Variants in RYR2 observed in about 807,000 individuals in gnomAD.
RYR2 encodes cardiac muscle ryanodine receptor-calcium release channel.
Under a neutral mutation model 601.1 loss-of-function variants are expected in RYR2, and 227 were observed. The ratio of observed to expected loss-of-function variants is 0.38; its 90% confidence interval spans 0.34 to 0.42. The LOEUF (loss-of-function observed/expected upper bound fraction) is 0.42. Among genes scored for constraint, RYR2 ranks in the 10% least tolerant of loss-of-function variants. The pLI, the probability that RYR2 is intolerant of heterozygous loss-of-function variation, is 1.00. For synonymous variants in RYR2, 2,223 were observed against 2,175.1 expected (o/e 1.02, Z -0.61); for missense variants, 4,646 against 6,156.5 (o/e 0.75, Z 8.21).
rs114716440 is a variant in RYR2, at chr1:237,444,932, G to A, written c.1171-469G>A. Among the ~76,000 whole-genome samples, 252 of 152,286 alleles carry A rather than the reference G, an allele frequency of 1.7e-3. 1 individual carries two copies. Among genetic ancestry groups the A allele is most frequent in the Non-Finnish European group, 2.8e-3 (189 of 68,022 alleles). ...TGTATGACTGGTGTGCCAGTGCAAC[G>A]TTAGCTTTGCTGCTTTGTACCAAGT... is the stretch of plus-strand genomic sequence containing the variant. On this transcript the variant is annotated intron_variant, in intron 13 of 104. Coordinates refer to ENST00000366574, the MANE Select transcript of RYR2 (RefSeq NM_001035.3).
At chr1:237,444,905 A>C (rs1267962000) in intron 13 of RYR2, among the ~76,000 whole-genome samples, 1 of 152,208 alleles carries the variant, frequency 6.6e-6, no homozygotes, top group Non-Finnish European at 1.5e-5. Flanking sequence ...GTTCAGAACT[A>C]CTGTATGACT....
At chr1:237,643,744 C>A (rs1348491027) in intron 48 of RYR2, among the ~76,000 whole-genome samples, 4 of 151,930 alleles carry the variant, frequency 2.6e-5, no homozygotes, top group Non-Finnish European at 4.4e-5. Flanking sequence ...TCCCAAGTAG[C>A]TGGGACTACA....
intron 35 of RYR2, among the ~76,000 whole-genome samples, chr1:237,602,798 A>G (rs921093661): frequency 6.6e-6 from 1 of 152,208 alleles, no homozygotes; most frequent in Admixed American, 6.5e-5. Flanking sequence ...AGGGAAATCC[A>G]TTGGAAATTT....
chr1:237,651,359 C>G lies in RYR2; in HGVS notation c.7734-52C>G, dbSNP rs796901694. 16 of 1,221,814 alleles carry G rather than the reference C, an allele frequency of 1.3e-5. No individual in the cohort carries two copies. The African/African-American group carries it at 2.4e-4, about 18-fold the overall frequency. 75.7% of individuals were successfully genotyped at this position (1,221,814 alleles called of 1,614,324 possible). ...ATAATTTATTCTAATGAATGATCTACTTAGTTTAGAAACATTTCTTGGCAT... is the reference window on the plus strand; with the variant it reads ...ATAATTTATTCTAATGAATGATCTAGTTAGTTTAGAAACATTTCTTGGCAT... On this transcript the variant is annotated intron_variant, in intron 50 of 104. Transcript: ENST00000366574.
chr1:237,125,583 T>C (rs909906599), intron 1 of RYR2, among the ~76,000 whole-genome samples: 1 of 152,182 alleles, frequency 6.6e-6, no homozygotes, highest in Non-Finnish European at 1.5e-5. Context: ...CCAGAAAGTT[T>C]AAGGAATTAC....
At chr1:237,775,222 G>A (rs1394272293) in intron 87 of RYR2, among the ~76,000 whole-genome samples, 1 of 151,996 alleles carries the variant, frequency 6.6e-6, no homozygotes, top group African/African-American at 2.4e-5. Context: ...TAGCACAGAG[G>A]GTTTCTGTAT....
At chr1:237,070,662 TG>T (rs1365924845) in intron 1 of RYR2, among the ~76,000 whole-genome samples, 2 of 152,278 alleles carry the variant, frequency 1.3e-5, no homozygotes, top group East Asian at 3.9e-4. Context: ...GCAAGCCAGG[TG>T]CAGGAGGCCA....
chr1:237,470,548 T>G (rs1195722479), intron 17 of RYR2, among the ~76,000 whole-genome samples: 1 of 152,122 alleles, frequency 6.6e-6, no homozygotes, highest in Non-Finnish European at 1.5e-5. Flanking sequence ...AAATGGAGAT[T>G]GTTGTAATAA....
At chr1:237,558,997 C>CT (rs56718406) in intron 27 of RYR2, among the ~76,000 whole-genome samples, 41,987 of 140,996 alleles carry the variant, frequency 0.3, 6,268 homozygotes, top group South Asian at 0.39. Flanking sequence ...CATTTTTGTA[C>CT]TTTTTTTTTT....
intron 1 of RYR2, among the ~76,000 whole-genome samples, chr1:237,178,567 C>G (rs958910407): frequency 6.6e-6 from 1 of 151,852 alleles, no homozygotes; most frequent in Non-Finnish European, 1.5e-5. Flanking sequence ...GCTCACACCT[C>G]TAATCCCAGT....
chr1:237,152,321 G>A (rs1674806253), intron 1 of RYR2, among the ~76,000 whole-genome samples: 1 of 152,162 alleles, frequency 6.6e-6, no homozygotes, highest in African/African-American at 2.4e-5. Flanking sequence ...ACATATGTGT[G>A]CATGTATCTT....
intron 63 of RYR2, among the ~76,000 whole-genome samples, chr1:237,687,940 T>G (rs748307218): frequency 2.0e-5 from 3 of 152,184 alleles, no homozygotes; most frequent in Non-Finnish European, 4.4e-5. Context: ...TCTTCTGCAT[T>G]CCAAACATTG....
intron 26 of RYR2, among the ~76,000 whole-genome samples, chr1:237,549,478 G>A (rs1484363271): frequency 6.6e-6 from 1 of 152,066 alleles, no homozygotes; most frequent in Admixed American, 6.6e-5. Context: ...GGGGGCTGAG[G>A]TGGGAGGATC....
Position 237,773,667 on chromosome 1 carries a change from C to T in RYR2, c.11775+19C>T. ...TATTCAGGTAAACATTTAAACATGG[C>T]TGCTATCTGTAGCACTGAACTCCAT... is the stretch of plus-strand genomic sequence containing the variant. On this transcript the variant is annotated intron_variant, in intron 87 of 104. Transcript: ENST00000366574. The T allele has an allele frequency of 6.2e-7, 1 of 1,606,616 alleles. No homozygotes were observed. The highest frequency in any genetic ancestry group is 8.5e-7 in the Non-Finnish European group (1 of 1,175,070).
chr1:237,769,693 T>A (rs189482958), intron 84 of RYR2, among the ~76,000 whole-genome samples: 124 of 152,214 alleles, frequency 8.1e-4, no homozygotes, highest in Non-Finnish European at 1.6e-3. Flanking sequence ...CATTGCCTCA[T>A]TTTCTTTCTC....
chr1:237,334,367 A>G (rs1018102193), intron 3 of RYR2, among the ~76,000 whole-genome samples: 1 of 151,790 alleles, frequency 6.6e-6, no homozygotes, highest in Non-Finnish European at 1.5e-5. Flanking sequence ...AAAATAACTC[A>G]TATTTTTGTG....
chr1:237,317,700 T>C (rs866324931), intron 2 of RYR2, among the ~76,000 whole-genome samples: 12 of 152,004 alleles, frequency 7.9e-5, no homozygotes, highest in African/African-American at 2.9e-4. Flanking sequence ...CTTCCTTCCT[T>C]TCTTTTATGA....
chr1:237,781,535 T>G (rs1234844016), intron 88 of RYR2, 30 bp from the exon 89 acceptor site: 1 of 1,096,836 alleles, frequency 9.1e-7, no homozygotes, highest in Admixed American at 1.9e-5. Flanking sequence ...TTTTCTTGTA[T>G]TATCTCAAAT....
At chr1:237,276,722 TA>T (rs1479096266) in intron 2 of RYR2, among the ~76,000 whole-genome samples, 2 of 152,190 alleles carry the variant, frequency 1.3e-5, no homozygotes, top group African/African-American at 4.8e-5. Context: ...AAGTGAACTT[TA>T]AAATCTTCAT....
Sources: gnomAD v4.1 joint callset for allele counts (sites outside exome capture counted in the v4.1 genomes callset) on GRCh38, gnomAD v4.1.1 for gene constraint, MANE v1.5 for transcripts, NCBI Gene and HGNC (gene_info 2026-07-23, HGNC 2026-07-21) for gene names.